Variants in ROBO1 observed in about 807,000 individuals in gnomAD.
The protein encoded by ROBO1 is roundabout guidance receptor 1.
ROBO1 carries 149 observed loss-of-function variants against 195.9 expected under a neutral mutation model. The observed-to-expected ratio is 0.76, with a 90% CI of 0.67 to 0.87. The LOEUF (loss-of-function observed/expected upper bound fraction) is 0.87. Ranked by LOEUF, ROBO1 falls within the 40% of genes least tolerant of loss-of-function variation. The pLI is 0.00. For missense variants in ROBO1, 1,933 were observed against 2,068.3 expected (o/e 0.93, Z 1.27); for synonymous variants, 816 against 733.2 (o/e 1.11, Z -1.82).
intron 28 of ROBO1, among the ~76,000 whole-genome samples, chr3:78,610,630 A>G (rs1703754504): frequency 6.6e-6 from 1 of 152,166 alleles, no homozygotes; most frequent in Non-Finnish European, 1.5e-5. Context: ...GACTACCACT[A>G]TCTTAACATC....
chr3:78,824,707 A>T (rs1185334185), intron 4 of ROBO1, among the ~76,000 whole-genome samples: 1 of 152,232 alleles, frequency 6.6e-6, no homozygotes, highest in Non-Finnish European at 1.5e-5. Context: ...CCTATTCTTT[A>T]TCCACTTAAT....
intron 3 of ROBO1, among the ~76,000 whole-genome samples, chr3:78,982,504 G>A (rs779601594): frequency 2.0e-5 from 3 of 152,074 alleles, no homozygotes; most frequent in Admixed American, 6.6e-5. Flanking sequence ...CTAGTACTGG[G>A]TTTAAAATTG....
At chr3:78,650,949 G>A (rs1706610330) in intron 19 of ROBO1, among the ~76,000 whole-genome samples, 1 of 152,134 alleles carries the variant, frequency 6.6e-6, no homozygotes, top group Admixed American at 6.6e-5. Context: ...TAAGGGGCAT[G>A]GAGGATCATC....
Position 78,600,252 on chromosome 3 carries a change from G to C in ROBO1, c.4802C>G (p.Pro1601Arg). The change falls in exon 30 of 31, where the codon CCC becomes CGC. Residue 1601 changes from proline to arginine, a missense_variant. Transcript: ENST00000464233. ...TFPTSNNPRD[P>R]SSSSSMSSRG... is the part of the protein sequence containing the mutation. ...TGATGACATTGAGCTTGAGGAACTG[G>C]GATCTCTGGGATTATTTGATGTTGG... 6.2e-7 allele frequency: 1 copy of C among 1,613,280 alleles called. No individual in the cohort carries two copies. Among genetic ancestry groups the C allele is most frequent in the Non-Finnish European group, 8.5e-7 (1 of 1,179,350 alleles).
intron 2 of ROBO1, among the ~76,000 whole-genome samples, chr3:79,554,413 T>C (rs1942628718): frequency 6.6e-6 from 1 of 152,010 alleles, no homozygotes; most frequent in Non-Finnish European, 1.5e-5. Context: ...TTACTACCTG[T>C]TTGCAACAGA....
chr3:79,697,944 A>T (rs1181995076), intron 1 of ROBO1, among the ~76,000 whole-genome samples: 1 of 151,568 alleles, frequency 6.6e-6, no homozygotes. Context: ...ATCTTAAAAA[A>T]TCTAATATTT....
intron 2 of ROBO1, among the ~76,000 whole-genome samples, chr3:79,587,132 G>A (rs974747178): frequency 1.3e-5 from 2 of 151,462 alleles, no homozygotes; most frequent in Non-Finnish European, 3.0e-5. Context: ...CAAGTAATTT[G>A]TTTGCCTTCT....
chr3:79,767,264 G>C (rs745844224), intron 1 of ROBO1, among the ~76,000 whole-genome samples: 1 of 152,004 alleles, frequency 6.6e-6, no homozygotes, highest in Non-Finnish European at 1.5e-5. Context: ...TGCGGTCAGC[G>C]GCACTGAGAT....
At chr3:79,529,804 C>G (rs1029191796) in intron 2 of ROBO1, among the ~76,000 whole-genome samples, 2 of 152,158 alleles carry the variant, frequency 1.3e-5, no homozygotes, top group Admixed American at 1.3e-4. Flanking sequence ...AATTGAAAAA[C>G]AGCCTTCAAC....
intron 2 of ROBO1, among the ~76,000 whole-genome samples, chr3:79,266,609 T>C (rs574173010): frequency 1.6e-4 from 25 of 151,704 alleles, no homozygotes; most frequent in African/African-American, 4.3e-4. Context: ...TTTCTAAGGA[T>C]AGTGGGTCCT....
intron 1 of ROBO1, among the ~76,000 whole-genome samples, chr3:79,654,142 T>C (rs1029020486): frequency 2.8e-4 from 43 of 152,008 alleles, no homozygotes; most frequent in African/African-American, 9.9e-4. Flanking sequence ...TATTACTCCG[T>C]CTACTAATGA....
intron 2 of ROBO1, among the ~76,000 whole-genome samples, chr3:79,534,599 T>G (rs1470432737): frequency 6.6e-6 from 1 of 152,128 alleles, no homozygotes; most frequent in Non-Finnish European, 1.5e-5. Flanking sequence ...TTCTCCAAGG[T>G]AAGAAATCTT....
At chr3:79,420,914 C>G (rs1431137833) in intron 2 of ROBO1, among the ~76,000 whole-genome samples, 3 of 152,078 alleles carry the variant, frequency 2.0e-5, no homozygotes, top group African/African-American at 2.4e-5. Context: ...ACCATAAAGA[C>G]ACATGCATGC....
chr3:79,522,157 A>C (rs1415411624), intron 2 of ROBO1, among the ~76,000 whole-genome samples: 1 of 152,126 alleles, frequency 6.6e-6, no homozygotes, highest in Admixed American at 6.5e-5. Context: ...GTTTTGGTAT[A>C]ATAAATTCTG....
chr3:78,636,740 TA>T (rs769770466), intron 22 of ROBO1, among the ~76,000 whole-genome samples: 58 of 151,610 alleles, frequency 3.8e-4, no homozygotes, highest in Non-Finnish European at 6.3e-4. Context: ...CATGGTTTCA[TA>T]ATGACAACCA....
At chr3:78,611,183 A>G (rs1240660649) in intron 28 of ROBO1, among the ~76,000 whole-genome samples, 1 of 152,230 alleles carries the variant, frequency 6.6e-6, no homozygotes, top group Admixed American at 6.5e-5. Flanking sequence ...ATAGAGATCC[A>G]GCACTCTATT....
chr3:79,524,854 C>T (rs916222661), intron 2 of ROBO1, among the ~76,000 whole-genome samples: 1 of 151,820 alleles, frequency 6.6e-6, no homozygotes, highest in Non-Finnish European at 1.5e-5. Context: ...AGTTAGAAAG[C>T]TTTATTATTT....
At chr3:79,737,623 AT>A (rs1275172605) in intron 1 of ROBO1, among the ~76,000 whole-genome samples, 2 of 150,798 alleles carry the variant, frequency 1.3e-5, no homozygotes, top group African/African-American at 4.9e-5. Flanking sequence ...AAAGTCAATA[AT>A]GTAAAAATAT....
At chr3:79,331,307 C>T (rs2034430366) in intron 2 of ROBO1, among the ~76,000 whole-genome samples, 1 of 152,066 alleles carries the variant, frequency 6.6e-6, no homozygotes, top group African/African-American at 2.4e-5. Flanking sequence ...TTTATTTCAC[C>T]TTTTAGAAAG....
Sources: allele counts gnomAD v4.1 joint callset (sites outside exome capture counted in the v4.1 genomes callset), GRCh38; gene constraint gnomAD v4.1.1; transcripts MANE v1.5; gene names NCBI Gene and HGNC (gene_info 2026-07-23, HGNC 2026-07-21).